Variants in PTPRG observed in about 807,000 individuals in gnomAD.
The protein encoded by PTPRG is receptor-type tyrosine-protein phosphatase gamma.
A neutral mutation model predicts 165.3 loss-of-function variants in PTPRG; 102 were observed. That is an observed-to-expected ratio of 0.62 (90% CI 0.53 to 0.73). The LOEUF (loss-of-function observed/expected upper bound fraction) is 0.73. PTPRG is among the 30% of genes least tolerant of loss of function. PTPRG has a pLI of 0.00. For synonymous variants in PTPRG, 675 were observed against 669.5 expected, an observed-to-expected ratio of 1.01 and a Z score of -0.13; for missense variants, 1,866 against 1,861.4, an observed-to-expected ratio of 1.00 and a Z score of -0.05.
rs1272116784 is a variant in PTPRG, at chr3:61,866,584, T to TTC, written c.190+117603_190+117604insCT. Reference sequence around the variant, plus strand: ...CCCTGGCTTTGGAACTGTTTGCTCTTTTTTTTTTTTTTTTTTTTTTTTTTT... The same window carrying TTC: ...CCCTGGCTTTGGAACTGTTTGCTCTTTCTTTTTTTTTTTTTTTTTTTTTTTTT... On this transcript the variant is annotated intron_variant, in intron 2 of 29. Coordinates refer to ENST00000474889, the MANE Select transcript of PTPRG (RefSeq NM_002841.4). Among the ~76,000 whole-genome samples the TTC allele has an allele frequency of 9.4e-4, 31 of 32,930 alleles. 1 individual carries two copies. Among genetic ancestry groups the TTC allele is most frequent in the Non-Finnish European group, 8.6e-4 (17 of 19,658 alleles). The allele number at this position is 32,930 out of a possible 152,430, so 21.6% of individuals were successfully genotyped here.
chr3:61,871,128 A>ATGTTATGTTATGTTGTGTTG (rs1559660035), intron 2 of PTPRG, among the ~76,000 whole-genome samples: 1 of 123,066 alleles, frequency 8.1e-6, no homozygotes, highest in African/African-American at 3.2e-5. Flanking sequence ...ATGTTATGTT[A>ATGTTATGTTATGTTGTGTTG]TGTTGTGTTG....
chr3:61,664,363 GC>G (rs1702748769), intron 1 of PTPRG, among the ~76,000 whole-genome samples: 1 of 152,156 alleles, frequency 6.6e-6, no homozygotes, highest in Admixed American at 6.5e-5. Flanking sequence ...GGTCTGATGG[GC>G]CATCACTCCT....
intron 2 of PTPRG, among the ~76,000 whole-genome samples, chr3:61,787,919 G>A (rs907896210): frequency 1.1e-4 from 17 of 152,068 alleles, no homozygotes; most frequent in African/African-American, 2.7e-4. Context: ...CAAGGATATC[G>A]TCTCCAGTGG....
Position 62,147,337 on chromosome 3 carries a change from C to T in PTPRG, c.683-9730C>T, listed in dbSNP as rs1409663892. ...CAGATGAGAGTCAATGCTGCTGCTG[C>T]CTGGCCCTATGCACATCCTTTACTG... is the stretch of plus-strand genomic sequence containing the variant. On this transcript the variant is annotated intron_variant, in intron 6 of 29. Coordinates refer to ENST00000474889, the MANE Select transcript of PTPRG (RefSeq NM_002841.4). 2.6e-5 allele frequency among the ~76,000 whole-genome samples: 4 copies of T among 152,172 alleles called. No homozygotes were observed. The East Asian group carries it at 7.7e-4, about 29-fold the overall frequency.
At chr3:62,078,562 T>A (rs1701467917) in intron 5 of PTPRG, among the ~76,000 whole-genome samples, 1 of 151,172 alleles carries the variant, frequency 6.6e-6, no homozygotes, top group East Asian at 1.9e-4. Context: ...TTCAGCATAT[T>A]AAGAGACTGA....
intron 6 of PTPRG, among the ~76,000 whole-genome samples, chr3:62,143,775 T>A (rs945895982): frequency 6.6e-6 from 1 of 152,204 alleles, no homozygotes. Flanking sequence ...ACTTCAAAGT[T>A]CAGGCTGGCC....
intron 1 of PTPRG, chr3:61,743,215 CAG>C (rs2033071425): frequency 2.9e-6 from 2 of 701,614 alleles, no homozygotes; most frequent in African/African-American, 1.8e-5. Context: ...TGAGAAGAGA[CAG>C]AGTTTATGGA....
chr3:61,592,186 C>T (rs1431035316), intron 1 of PTPRG, among the ~76,000 whole-genome samples: 3 of 152,066 alleles, frequency 2.0e-5, no homozygotes, highest in East Asian at 1.9e-4. Context: ...AGGGTGGTCT[C>T]GAACTCCCAA....
At chr3:61,706,216 A>G (rs1297557050) in intron 1 of PTPRG, among the ~76,000 whole-genome samples, 2 of 152,162 alleles carry the variant, frequency 1.3e-5, no homozygotes, top group East Asian at 1.9e-4. Flanking sequence ...GGGGAAAAAA[A>G]AAAGAACCTG....
intron 1 of PTPRG, among the ~76,000 whole-genome samples, chr3:61,677,194 C>T (rs1235645956): frequency 6.8e-6 from 1 of 146,256 alleles, no homozygotes; most frequent in East Asian, 2.0e-4. Context: ...GCAGTGAGCC[C>T]AGATCGCACC....
At chr3:62,088,704 C>G (rs1701833013) in intron 5 of PTPRG, among the ~76,000 whole-genome samples, 1 of 152,168 alleles carries the variant, frequency 6.6e-6, no homozygotes. Flanking sequence ...TGTACAAATG[C>G]TTTTGAACTT....
chr3:61,921,053 A>AT lies in PTPRG; in HGVS notation c.191-68570dup, dbSNP rs201879435. Among the ~76,000 whole-genome samples, 1,470 of 152,146 alleles carry AT rather than the reference A, an allele frequency of 9.7e-3. 29 individuals carry two copies. Among genetic ancestry groups the AT allele is most frequent in the African/African-American group, 0.032 (1,325 of 41,498 alleles). Reference sequence around the variant, plus strand: ...ACCGTGAGGGTCTTGTTATAATAAAATTAACAATTAATTACTTTCTTTTCT... The same window carrying AT: ...ACCGTGAGGGTCTTGTTATAATAAAATTTAACAATTAATTACTTTCTTTTCT... On this transcript the variant is annotated intron_variant, in intron 2 of 29. Coordinates refer to ENST00000474889, the MANE Select transcript of PTPRG (RefSeq NM_002841.4).
chr3:62,186,748 C>G (rs1366397225), intron 8 of PTPRG, among the ~76,000 whole-genome samples: 1 of 151,684 alleles, frequency 6.6e-6, no homozygotes, highest in Non-Finnish European at 1.5e-5. Flanking sequence ...GTGTTTTTTT[C>G]TAGAGCCGGG....
Position 62,191,493 on chromosome 3 carries a change from T to A in PTPRG, c.1058T>A (p.Met353Lys). ...SKVCSSPPIHMKVQPLNQTAL... is the reference protein window; with the variant it reads ...SKVCSSPPIHKKVQPLNQTAL... ...GTTTGCAGCTCTCCACCCATCCACA[T>A]GAAGGTGCAGCCTCTGAACCAGACG... The change falls in exon 9 of 30, where the codon ATG (methionine) becomes AAG (lysine). Residue 353 changes from methionine (M) to lysine (K), a missense_variant. Physicochemically the swap from Met to Lys is moderately conservative, Grantham distance 95. Around this residue, in one of 3 missense-constraint regions of PTPRG, gnomAD observed 1,452 missense variants for 1,463.0 expected, o/e 0.99. Transcript: ENST00000474889. The A allele has an allele frequency of 6.2e-7, 1 of 1,613,994 alleles. No individual in the cohort carries two copies. The highest frequency in any genetic ancestry group is 8.5e-7 in the Non-Finnish European group (1 of 1,179,970).
chr3:61,837,224 T>G (rs1357473932), intron 2 of PTPRG, among the ~76,000 whole-genome samples: 1 of 152,200 alleles, frequency 6.6e-6, no homozygotes, highest in Non-Finnish European at 1.5e-5. Context: ...ATTTTTGTAT[T>G]TTTAGTAGAG....
At chr3:62,129,335 A>G (rs2106917545) in intron 5 of PTPRG, among the ~76,000 whole-genome samples, 1 of 152,336 alleles carries the variant, frequency 6.6e-6, no homozygotes, top group Middle Eastern at 3.4e-3. Flanking sequence ...CCTTCACATT[A>G]TCAGATAATA....
At chr3:61,798,884 C>G (rs1332588655) in intron 2 of PTPRG, among the ~76,000 whole-genome samples, 4 of 152,034 alleles carry the variant, frequency 2.6e-5, no homozygotes, top group Non-Finnish European at 5.9e-5. Flanking sequence ...CTTTGGCCTC[C>G]TGTTGATGGG....
Position 62,255,794 on chromosome 3 carries a change from CTGT to C in PTPRG, c.2559+587_2559+589del, listed in dbSNP as rs1701524498. On this transcript the variant is annotated intron_variant, in intron 16 of 29. Transcript: ENST00000474889. The surrounding 1 kb of genome is among the most constrained non-coding windows in gnomAD (Gnocchi z 4.0). Reference sequence around the variant, plus strand: ...TTGTTAAGAACCATGCAAAGGTTGACTGTTGTTGTTTTCATGATTATTAATCCT... The same window carrying C: ...TTGTTAAGAACCATGCAAAGGTTGACTGTTGTTTTCATGATTATTAATCCT... Among the ~76,000 whole-genome samples, 1 of 152,126 alleles carries C rather than the reference CTGT, an allele frequency of 6.6e-6. No individual in the cohort carries two copies. The highest frequency in any genetic ancestry group is 2.1e-4 in the South Asian group (1 of 4,830).
intron 9 of PTPRG, among the ~76,000 whole-genome samples, chr3:62,194,588 C>A (rs1350834231): frequency 6.6e-6 from 1 of 152,030 alleles, no homozygotes; most frequent in Non-Finnish European, 1.5e-5. Context: ...GAGGCTGAGG[C>A]GGGCAGATGA....
Sources: allele counts gnomAD v4.1 joint callset (sites outside exome capture counted in the v4.1 genomes callset), GRCh38; gene constraint gnomAD v4.1.1; regional missense constraint gnomAD v4.1.1; non-coding constraint Gnocchi (gnomAD v3.1); transcripts MANE v1.5; gene names NCBI Gene and HGNC (gene_info 2026-07-23, HGNC 2026-07-21).